PTPRN2: variants seen among roughly 807,000 people sequenced by gnomAD.
The protein encoded by PTPRN2 is protein tyrosine phosphatase receptor type N2, also known as receptor-type tyrosine-protein phosphatase N2.
PTPRN2 carries 74 observed loss-of-function variants against 118.8 expected under a neutral mutation model. The observed-to-expected ratio is 0.62, with a 90% CI of 0.52 to 0.76. The LOEUF (loss-of-function observed/expected upper bound fraction) is 0.76, where lower values mean the gene tolerates loss of function less well. Ranked by LOEUF, PTPRN2 falls within the 30% of genes least tolerant of loss-of-function variation. The pLI is 0.00. For synonymous variants in PTPRN2, 641 were observed against 608.0 expected (o/e 1.05, Z -0.80); for missense variants, 1,481 against 1,394.4 (o/e 1.06, Z -0.99).
chr7:158,016,315 C>A (rs563615308), intron 11 of PTPRN2, among the ~76,000 whole-genome samples: 1 of 152,158 alleles, frequency 6.6e-6, no homozygotes, highest in Non-Finnish European at 1.5e-5. Context: ...GTTTAGACCC[C>A]GTCCTGTGCC....
At chr7:158,280,987 G>A (rs974827622) in intron 3 of PTPRN2, among the ~76,000 whole-genome samples, 1 of 152,234 alleles carries the variant, frequency 6.6e-6, no homozygotes, top group Non-Finnish European at 1.5e-5. Flanking sequence ...TCAAAGCCAT[G>A]TGCTCGTCAT....
At chr7:158,445,300 G>A (rs900292155) in intron 2 of PTPRN2, among the ~76,000 whole-genome samples, 5 of 152,126 alleles carry the variant, frequency 3.3e-5, no homozygotes, top group South Asian at 2.1e-4. Flanking sequence ...AGAGCCAAGC[G>A]CCCCCACCTG....
intron 3 of PTPRN2, among the ~76,000 whole-genome samples, chr7:158,265,279 G>A (rs1474592168): frequency 6.6e-6 from 1 of 152,072 alleles, no homozygotes; most frequent in Non-Finnish European, 1.5e-5. Context: ...GTCCCCAGAG[G>A]CCCCTGACAC....
intron 12 of PTPRN2, among the ~76,000 whole-genome samples, chr7:157,726,875 C>T (rs1440864216): frequency 1.3e-5 from 2 of 152,210 alleles, no homozygotes; most frequent in African/African-American, 2.4e-5. Flanking sequence ...CCAAAGAAGA[C>T]ACACAAATGA....
intron 2 of PTPRN2, among the ~76,000 whole-genome samples, chr7:158,390,401 C>T (rs941786425): frequency 1.3e-5 from 2 of 152,214 alleles, no homozygotes; most frequent in African/African-American, 2.4e-5. Flanking sequence ...TCAAAGAACA[C>T]GTAAAGTGGA....
chr7:158,553,598 A>G (rs1177464921), intron 1 of PTPRN2, among the ~76,000 whole-genome samples: 1 of 151,820 alleles, frequency 6.6e-6, no homozygotes, highest in Non-Finnish European at 1.5e-5. Flanking sequence ...GTCTACACAC[A>G]GAGGCTTAGG....
chr7:158,334,542 C>T (rs1805200359), intron 2 of PTPRN2, among the ~76,000 whole-genome samples: 1 of 112,706 alleles, frequency 8.9e-6, no homozygotes, highest in East Asian at 2.8e-4. Context: ...ACGTCACTCA[C>T]ACCCACACTC....
chr7:157,654,808 T>C (rs1439139804), intron 14 of PTPRN2, among the ~76,000 whole-genome samples: 3 of 152,224 alleles, frequency 2.0e-5, no homozygotes, highest in Non-Finnish European at 4.4e-5. Flanking sequence ...TCAAGCACCT[T>C]GAAATGTGGA....
At chr7:157,864,891 T>C (rs1051320206) in intron 12 of PTPRN2, 4 of 152,198 alleles carry the variant, frequency 2.6e-5, no homozygotes, top group African/African-American at 9.7e-5. Context: ...CCGCATAAAA[T>C]GCCGCCATCT....
chr7:158,205,090 AAAC>A, intron 4 of PTPRN2, 78 bp downstream of exon 4: 12 of 1,221,932 alleles, frequency 9.8e-6, no homozygotes, highest in Non-Finnish European at 1.3e-5. Context: ...ACATTAAAAC[AAAC>A]AAACAAACAA....
chr7:157,670,873 C>T (rs1295194755), intron 13 of PTPRN2, among the ~76,000 whole-genome samples: 1 of 152,254 alleles, frequency 6.6e-6, no homozygotes, highest in East Asian at 1.9e-4. Flanking sequence ...GCCTTCAGAG[C>T]AGCCCAGGCC....
intron 3 of PTPRN2, among the ~76,000 whole-genome samples, chr7:158,299,398 A>G (rs530671368): frequency 3.6e-4 from 55 of 152,044 alleles, no homozygotes; most frequent in African/African-American, 1.3e-3. Context: ...CCCAGGTTCA[A>G]GCAATTCTCC....
intron 12 of PTPRN2, among the ~76,000 whole-genome samples, chr7:157,842,559 C>T (rs1362120042): frequency 1.3e-5 from 2 of 151,964 alleles, no homozygotes; most frequent in African/African-American, 2.4e-5. Flanking sequence ...GAATTACAGG[C>T]AGGCACCACC....
intron 2 of PTPRN2, among the ~76,000 whole-genome samples, chr7:158,379,228 G>A (rs1053036640): frequency 1.4e-4 from 22 of 152,318 alleles, no homozygotes; most frequent in African/African-American, 5.1e-4. Context: ...CCTGCAGAAG[G>A]GGCTGCGGAC....
intron 9 of PTPRN2, among the ~76,000 whole-genome samples, chr7:158,127,320 C>G (rs1337053272): frequency 6.6e-6 from 1 of 151,484 alleles, no homozygotes; most frequent in African/African-American, 2.4e-5. Flanking sequence ...CTGCGTCCTC[C>G]TCTGCTTGCG....
chr7:158,062,512 C>G (rs558094239), intron 11 of PTPRN2, among the ~76,000 whole-genome samples: 1 of 152,344 alleles, frequency 6.6e-6, no homozygotes, highest in Admixed American at 6.5e-5. Context: ...ACCATGGGAG[C>G]CCCTCTCTGG....
intron 11 of PTPRN2, among the ~76,000 whole-genome samples, chr7:158,048,838 C>G (rs1245643817): frequency 8.2e-5 from 1 of 12,200 alleles, no homozygotes; most frequent in Non-Finnish European, 1.8e-4. Flanking sequence ...ATCACCATCG[C>G]ATCACCACCA....
rs987956669 is a variant in PTPRN2 at position 157,659,646 on chromosome 7, T to C, written c.2002-3095A>G. Among the ~76,000 whole-genome samples, 11 of 152,094 alleles carry C rather than the reference T, an allele frequency of 7.2e-5. No individual in the cohort carries two copies. In the East Asian group the frequency reaches 2.1e-3, roughly 29 times the overall value. On this transcript the variant is annotated intron_variant, in intron 13 of 22. Transcript: ENST00000389418. The stretch of plus-strand genomic sequence containing the variant: ...TTATAGACAGTTTTAAAATAGTGAG[T>C]GTGTTTAAAAAAATCCACCCACGTT...
chr7:157,951,985 G>A lies in PTPRN2; in HGVS notation c.1724-53248C>T, dbSNP rs143288169. Among the ~76,000 whole-genome samples the A allele has an allele frequency of 1.2e-3, 183 of 152,286 alleles. 2 individuals are homozygous for A. Among genetic ancestry groups the A allele is most frequent in the Middle Eastern group, 3.4e-3 (1 of 294 alleles). On this transcript the variant is annotated intron_variant, in intron 11 of 22. Coordinates refer to ENST00000389418, the MANE Select transcript of PTPRN2 (RefSeq NM_002847.5). The stretch of plus-strand genomic sequence containing the variant: ...TCCTGCTGCTCTGATGCCCCCTCAC[G>A]TCTCCAGCCTGCGCCCCGCACTGCG...
Sources: allele counts gnomAD v4.1 joint callset (sites outside exome capture counted in the v4.1 genomes callset), GRCh38; gene constraint gnomAD v4.1.1; transcripts MANE v1.5; gene names NCBI Gene and HGNC (gene_info 2026-07-23, HGNC 2026-07-21).